DYNC1LI1: variants seen among roughly 807,000 people sequenced by gnomAD.
DYNC1LI1 encodes the protein dynein cytoplasmic 1 light intermediate chain 1, also known as cytoplasmic dynein 1 light intermediate chain 1.
In DYNC1LI1, 19 loss-of-function variants were observed where a neutral mutation model predicts 63.8. The observed-to-expected ratio is 0.30, with a 90% CI of 0.21 to 0.44. The LOEUF is 0.44. DYNC1LI1 is among the 20% of genes least tolerant of loss of function. DYNC1LI1 has a pLI of 1.00. For missense variants in DYNC1LI1, 565 were observed against 630.2 expected, an observed-to-expected ratio of 0.90 and a Z score of 1.11; for synonymous variants, 225 against 232.3, an observed-to-expected ratio of 0.97 and a Z score of 0.28.
chr3:32,542,887 C>T (rs563087069), intron 4 of DYNC1LI1, among the ~76,000 whole-genome samples: 2 of 152,280 alleles, frequency 1.3e-5, no homozygotes, highest in South Asian at 2.1e-4. Flanking sequence ...AGGTGGGCAC[C>T]GTTCCTCTAG....
At position 32,529,522 on chromosome 3, in the gene DYNC1LI1, T is replaced by G; in HGVS notation, c.1306+18A>C. On this transcript the variant is annotated intron_variant, in intron 11 of 12. Coordinates refer to ENST00000273130, the MANE Select transcript of DYNC1LI1 (RefSeq NM_016141.4). ...TTGTAAAATGTATTGTCTTGTTATC[T>G]CCTAGAAAGAGATGTACCTTTCATG... is the stretch of plus-strand genomic sequence containing the variant. 6.3e-7 allele frequency: 1 copy of G among 1,592,540 alleles called. No individual in the cohort carries two copies. Among genetic ancestry groups the G allele is most frequent in the Non-Finnish European group, 8.6e-7 (1 of 1,169,476 alleles).
intron 2 of DYNC1LI1, among the ~76,000 whole-genome samples, chr3:32,565,657 T>C (rs2125446704): frequency 6.6e-6 from 1 of 152,290 alleles, no homozygotes; most frequent in Non-Finnish European, 1.5e-5. Flanking sequence ...TCACCCAGGC[T>C]GGAGTGCAAT....
intron 3 of DYNC1LI1, 59 bp downstream of exon 3, chr3:32,545,790 G>A: frequency 1.8e-6 from 2 of 1,139,864 alleles, no homozygotes; most frequent in Non-Finnish European, 2.6e-6. Flanking sequence ...AAAGACTAAT[G>A]TGAATGGCAG....
In DYNC1LI1 at chr3:32,557,522, CA is replaced by C. The variant is rs1294308206; in HGVS notation, c.221-11558del. ...GGGCAACGAGAGCAAGACTCCGTCTCAAAAAAAGTAAATAAATAAAAATAAA... is the reference window on the plus strand; with the variant it reads ...GGGCAACGAGAGCAAGACTCCGTCTCAAAAAAGTAAATAAATAAAAATAAA... On this transcript the variant is annotated intron_variant, in intron 2 of 12. Transcript: ENST00000273130. Among the ~76,000 whole-genome samples, 10 of 147,672 alleles carry C rather than the reference CA, an allele frequency of 6.8e-5. No homozygotes were observed. In the South Asian group the frequency reaches 2.1e-3, roughly 31 times the overall value.
At chr3:32,529,498 T>A (rs1425906014) in intron 11 of DYNC1LI1, 42 bp downstream of exon 11, 3 of 1,552,170 alleles carry the variant, frequency 1.9e-6, no homozygotes, top group Non-Finnish European at 2.6e-6. Context: ...TTATTTCTCT[T>A]GTAAAATGTA....
intron 2 of DYNC1LI1, among the ~76,000 whole-genome samples, chr3:32,562,914 C>A (rs887160260): frequency 6.6e-6 from 1 of 152,164 alleles, no homozygotes; most frequent in Admixed American, 6.5e-5. Context: ...CGGCCCTTTT[C>A]TCTGCGTTTT....
At chr3:32,544,313 A>G (rs529892394) in intron 4 of DYNC1LI1, among the ~76,000 whole-genome samples, 1 of 152,338 alleles carries the variant, frequency 6.6e-6, no homozygotes, top group East Asian at 1.9e-4. Flanking sequence ...AGCTGAAGAA[A>G]GATTCAATCT....
intron 6 of DYNC1LI1, 99 bp from the exon 7 acceptor site, chr3:32,534,745 G>T: frequency 1.0e-6 from 1 of 998,974 alleles, no homozygotes; most frequent in Non-Finnish European, 1.4e-6. Flanking sequence ...ATGCATTTTA[G>T]TTTCAGAAAT....
chr3:32,564,647 T>C (rs962485161), intron 2 of DYNC1LI1, among the ~76,000 whole-genome samples: 16 of 152,236 alleles, frequency 1.1e-4, no homozygotes, highest in African/African-American at 3.6e-4. Flanking sequence ...TAGTAACATA[T>C]AATAAACATG....
intron 2 of DYNC1LI1, among the ~76,000 whole-genome samples, chr3:32,566,186 G>A (rs972620003): frequency 1.3e-5 from 2 of 151,088 alleles, no homozygotes; most frequent in Non-Finnish European, 3.0e-5. Flanking sequence ...GCAGGAGGAC[G>A]GTTTGAGCCC....
chr3:32,533,352 C>G (rs1697727438), intron 7 of DYNC1LI1, among the ~76,000 whole-genome samples: 1 of 152,102 alleles, frequency 6.6e-6, no homozygotes, highest in Non-Finnish European at 1.5e-5. Context: ...TGGCATGCAC[C>G]TGTAGTCCCA....
At chr3:32,535,442 G>T (rs1167835198) in intron 6 of DYNC1LI1, among the ~76,000 whole-genome samples, 1 of 152,176 alleles carries the variant, frequency 6.6e-6, no homozygotes, top group Non-Finnish European at 1.5e-5. Flanking sequence ...GGCCAAGGGG[G>T]AAATGCTGGG....
Position 32,569,224 on chromosome 3 carries a change from T to G in DYNC1LI1, c.220+1122A>C, listed in dbSNP as rs57480337. ...TATATGTGATAGGGCAGTGACTCAA[T>G]CCAGGCTAATCTTCAGTAGGTGCTT... On this transcript the variant is annotated intron_variant, in intron 2 of 12. Transcript: ENST00000273130. Among the ~76,000 whole-genome samples, 418 of 152,298 alleles carry G rather than the reference T, an allele frequency of 2.7e-3. 1 individual carries two copies. The highest frequency in any genetic ancestry group is 9.6e-3 in the African/African-American group (399 of 41,566).
chr3:32,534,307 A>C (rs1233382507), intron 7 of DYNC1LI1, among the ~76,000 whole-genome samples: 1 of 152,198 alleles, frequency 6.6e-6, no homozygotes, highest in East Asian at 1.9e-4. Flanking sequence ...CCTTTGAAAA[A>C]GGGCTCAGGC....
intron 7 of DYNC1LI1, among the ~76,000 whole-genome samples, chr3:32,533,308 T>G (rs950469945): frequency 9.2e-4 from 139 of 151,864 alleles, no homozygotes; most frequent in African/African-American, 3.0e-3. Flanking sequence ...CTACAAAAAA[T>G]AAAAAAGAAA....
chr3:32,537,210 C>T, intron 5 of DYNC1LI1, 106 bp from the exon 6 acceptor site: 1 of 583,242 alleles, frequency 1.7e-6, no homozygotes. Flanking sequence ...AAAAGTACCA[C>T]TCTGATATGG....
Position 32,526,632 on chromosome 3 carries a change from C to T in DYNC1LI1, c.*167G>A, listed in dbSNP as rs1697621985. The T allele has an allele frequency of 1.9e-6, 1 of 536,862 alleles. No homozygotes were observed. Among genetic ancestry groups the T allele is most frequent in the African/African-American group, 1.9e-5 (1 of 51,426 alleles). 33.3% of individuals were successfully genotyped at this position (536,862 alleles called of 1,614,324 possible). A position where few individuals can be genotyped will look rare whatever the true frequency, so the allele number is the denominator to read the frequency against. ...GTAGAATAATTTTTCTTCTGTACGGCTCCTTCTAAAAAATGGGTAACCACA... is the reference window on the plus strand; with the variant it reads ...GTAGAATAATTTTTCTTCTGTACGGTTCCTTCTAAAAAATGGGTAACCACA... On this transcript the variant is annotated 3_prime_UTR_variant, in exon 13 of 13. Transcript: ENST00000273130.
At chr3:32,563,683 G>A (rs1264507233) in intron 2 of DYNC1LI1, among the ~76,000 whole-genome samples, 3 of 152,170 alleles carry the variant, frequency 2.0e-5, no homozygotes, top group Admixed American at 6.5e-5. Context: ...TTTTCTAAGT[G>A]CTTTTACTGA....
At chr3:32,535,715 TAATAA>T (rs1697765352) in intron 6 of DYNC1LI1, among the ~76,000 whole-genome samples, 2 of 152,142 alleles carry the variant, frequency 1.3e-5, no homozygotes, top group Admixed American at 6.5e-5. Flanking sequence ...ATTAAAAATT[TAATAA>T]AATAAAGGTG....
Sources: gnomAD v4.1 joint callset for allele counts (sites outside exome capture counted in the v4.1 genomes callset) on GRCh38, gnomAD v4.1.1 for gene constraint, MANE v1.5 for transcripts, NCBI Gene and HGNC (gene_info 2026-07-23, HGNC 2026-07-21) for gene names.